Variants in HTRA3 observed in about 807,000 individuals in gnomAD.
HTRA3 encodes HtrA serine peptidase 3.
HTRA3 carries 41 observed loss-of-function variants against 43.2 expected under a neutral mutation model. That is an observed-to-expected ratio of 0.95 (90% CI 0.74 to 1.23). HTRA3 has a LOEUF of 1.23. Ranked by LOEUF, HTRA3 falls within the 50% of genes most tolerant of loss-of-function variation. HTRA3 has a pLI of 0.00. For synonymous variants in HTRA3, 295 were observed against 287.9 expected, an observed-to-expected ratio of 1.02 and a Z score of -0.25; for missense variants, 628 against 647.1, an observed-to-expected ratio of 0.97 and a Z score of 0.32.
chr4:8,305,196 G>A (rs538260846), intron 8 of HTRA3, among the ~76,000 whole-genome samples: 37 of 152,334 alleles, frequency 2.4e-4, no homozygotes, highest in African/African-American at 7.2e-4. Context: ...TTGTTCAAGG[G>A]CCGACTGTAC....
chr4:8,269,970 TGCAGGCGCG>T lies in HTRA3; in HGVS notation c.3_11del (p.MetGlnAlaArg1_?4). ...CCACCCGCCGCCGGCCCTGCCGCCA[TGCAGGCGCG>T]AGCGCTGCTCCTGGCCGCGTTGGCC... On this transcript the variant is annotated start_lost and inframe_deletion, in exon 1 of 9. Transcript: ENST00000307358. 1.7e-6 allele frequency: 2 copies of T among 1,175,882 alleles called. No homozygotes were observed. Among genetic ancestry groups the T allele is most frequent in the Non-Finnish European group, 2.1e-6 (2 of 953,644 alleles). The allele number at this position is 1,175,882 out of a possible 1,614,324, so 72.8% of individuals were successfully genotyped here.
At chr4:8,298,340 A>T (rs1368092137) in intron 6 of HTRA3, among the ~76,000 whole-genome samples, 1 of 152,194 alleles carries the variant, frequency 6.6e-6, no homozygotes, top group Non-Finnish European at 1.5e-5. Flanking sequence ...CCCATTAAAA[A>T]CATTTAGGTT....
intron 1 of HTRA3, among the ~76,000 whole-genome samples, chr4:8,278,838 T>C (rs1415160366): frequency 6.6e-6 from 1 of 152,258 alleles, no homozygotes; most frequent in East Asian, 1.9e-4. Context: ...CGAGTGCTGC[T>C]GCTTTTGTGA....
At chr4:8,301,485 A>C (rs1713655262) in intron 6 of HTRA3, among the ~76,000 whole-genome samples, 2 of 151,544 alleles carry the variant, frequency 1.3e-5, no homozygotes, top group Non-Finnish European at 2.9e-5. Context: ...TCACACTCTC[A>C]GCTTTATTGA....
intron 1 of HTRA3, among the ~76,000 whole-genome samples, chr4:8,282,209 C>A (rs1448635164): frequency 1.3e-5 from 2 of 152,188 alleles, no homozygotes; most frequent in East Asian, 1.9e-4. Context: ...CACGTGGAAG[C>A]CTTTTTAACC....
intron 3 of HTRA3, 74 bp from the exon 4 acceptor site, chr4:8,291,296 G>A: frequency 7.5e-7 from 1 of 1,330,844 alleles, no homozygotes; most frequent in African/African-American, 1.4e-5. Flanking sequence ...CCCCCTGCCA[G>A]GATCTGACTC....
intron 7 of HTRA3, among the ~76,000 whole-genome samples, chr4:8,302,796 C>G (rs1406201931): frequency 6.6e-6 from 1 of 152,242 alleles, no homozygotes; most frequent in Non-Finnish European, 1.5e-5. Context: ...TGTTCCCTCT[C>G]AGTTCTGGAG....
At chr4:8,300,825 C>T (rs1713613178) in intron 6 of HTRA3, among the ~76,000 whole-genome samples, 1 of 151,472 alleles carries the variant, frequency 6.6e-6, no homozygotes, top group Non-Finnish European at 1.5e-5. Context: ...TATTGATTCA[C>T]ACTCTTATTA....
Position 8,302,475 on chromosome 4 carries a change from G to T in HTRA3, c.1064G>T (p.Arg355Leu), listed in dbSNP as rs554312322. 1 of 1,614,090 alleles carries T rather than the reference G, an allele frequency of 6.2e-7. No individual in the cohort carries two copies. Among genetic ancestry groups the T allele is most frequent in the African/African-American group, 1.3e-5 (1 of 75,016 alleles). The part of the protein sequence containing the change: ...QDKQIKDWKK[R>L]FIGIRMRTIT... ...GTTTCATTTCCAGACTGGAAGAAGC[G>T]CTTCATCGGCATACGGATGCGGACG... Residue 355 changes from arginine (R) to leucine (L), a missense_variant, in exon 7 of 9, where the codon CGC becomes CTC. Arg to Leu is a moderately radical substitution (Grantham distance 102). Transcript: ENST00000307358.
chr4:8,306,224 G>A lies in HTRA3; in HGVS notation c.*88G>A, dbSNP rs954412347. On this transcript the variant is annotated 3_prime_UTR_variant, in exon 9 of 9. Transcript: ENST00000307358. The surrounding 1 kb of genome is among the most constrained non-coding windows in gnomAD (Gnocchi z 8.9). ...GAGATCAGGACGAAGGACCACCGTC[G>A]GTCCTCAGCAGGGCGGCAGCCTCCT... The A allele has an allele frequency of 7.3e-5, 101 of 1,387,336 alleles. No homozygotes were observed. The highest frequency in any genetic ancestry group is 2.6e-4 in the Middle Eastern group (1 of 3,824). 85.9% of individuals were successfully genotyped at this position (1,387,336 alleles called of 1,614,324 possible). A position where few individuals can be genotyped will look rare whatever the true frequency, so the allele number is the denominator to read the frequency against.
chr4:8,296,279 G>A lies in HTRA3; in HGVS notation c.1051+2078G>A, dbSNP rs1713452194. ...TACAGGGGCTGTCCCAGTTAGTGCT[G>A]ACCTCATCCCAGAACCCCCTGGGAA... On this transcript the variant is annotated intron_variant, in intron 6 of 8. Coordinates refer to ENST00000307358, the MANE Select transcript of HTRA3 (RefSeq NM_053044.5). The surrounding 1 kb of genome is among the most constrained non-coding windows in gnomAD (Gnocchi z 5.3). 1.0e-6 allele frequency: 1 copy of A among 985,386 alleles called. No homozygotes were observed. Among genetic ancestry groups the A allele is most frequent in the South Asian group, 4.7e-5 (1 of 21,294 alleles). The allele number at this position is 985,386 out of a possible 1,614,324, so 61.0% of individuals were successfully genotyped here. A position where few individuals can be genotyped will look rare whatever the true frequency, so the allele number is the denominator to read the frequency against.
At position 8,286,101 on chromosome 4, in the gene HTRA3, A is replaced by G. The variant is rs1191099253; in HGVS notation, c.486-460A>G. On this transcript the variant is annotated intron_variant, in intron 2 of 8. Coordinates refer to ENST00000307358, the MANE Select transcript of HTRA3 (RefSeq NM_053044.5). The surrounding 1 kb of genome is among the most constrained non-coding windows in gnomAD (Gnocchi z 4.9). ...TTTGTTGAGAGGCGTTTTAGAGCCC[A>G]GGCATCACCACTCGGCGGAGGAGGT... is the stretch of plus-strand genomic sequence containing the variant. Among the ~76,000 whole-genome samples, 1 of 152,210 alleles carries G rather than the reference A, an allele frequency of 6.6e-6. No homozygotes were observed.
At chr4:8,283,843 G>A (rs529538198) in intron 2 of HTRA3, among the ~76,000 whole-genome samples, 3 of 152,284 alleles carry the variant, frequency 2.0e-5, no homozygotes, top group Non-Finnish European at 4.4e-5. Context: ...CCTGGGGACT[G>A]AGCATCTGGT....
Position 8,297,962 on chromosome 4 carries a change from T to C in HTRA3, c.1051+3761T>C, listed in dbSNP as rs548116495. On this transcript the variant is annotated intron_variant, in intron 6 of 8. Transcript: ENST00000307358. This position sits in a 1 kb window ranked among gnomAD's most constrained non-coding sequence, Gnocchi z 5.8. ...TTGTCCCTCTGTCCCTCTGTCCCTC[T>C]GGACTTCCCACATGCCTCATCCACT... 6.6e-6 allele frequency among the ~76,000 whole-genome samples: 1 copy of C among 152,316 alleles called. No homozygotes were observed. Among genetic ancestry groups the C allele is most frequent in the Admixed American group, 6.5e-5 (1 of 15,300 alleles).
chr4:8,288,668 GT>G (rs1184691358), intron 3 of HTRA3, among the ~76,000 whole-genome samples: 1 of 151,154 alleles, frequency 6.6e-6, no homozygotes, highest in Non-Finnish European at 1.5e-5. Flanking sequence ...CACCTCCCAG[GT>G]TCAAGTAATT....
intron 6 of HTRA3, among the ~76,000 whole-genome samples, chr4:8,301,706 A>C (rs1017858889): frequency 2.6e-5 from 4 of 152,190 alleles, no homozygotes; most frequent in Non-Finnish European, 4.4e-5. Context: ...ACAACCTACA[A>C]ATTTTAATAT....
chr4:8,290,907 G>C (rs950528416), intron 3 of HTRA3, among the ~76,000 whole-genome samples: 3 of 152,238 alleles, frequency 2.0e-5, no homozygotes, highest in Non-Finnish European at 4.4e-5. Context: ...GATGGAACTG[G>C]ATCAAGGATG....
At chr4:8,285,707 C>A (rs1712930912) in intron 2 of HTRA3, among the ~76,000 whole-genome samples, 1 of 152,328 alleles carries the variant, frequency 6.6e-6, no homozygotes, top group African/African-American at 2.4e-5. Flanking sequence ...CTGGTGAGAA[C>A]TGGGGATTGT....
chr4:8,295,986 G>A lies in HTRA3; in HGVS notation c.1051+1785G>A. 6 of 1,199,238 alleles carry A rather than the reference G, an allele frequency of 5.0e-6. No homozygotes were observed. Among genetic ancestry groups the A allele is most frequent in the South Asian group, 4.3e-5 (1 of 23,250 alleles). 74.3% of individuals were successfully genotyped at this position (1,199,238 alleles called of 1,614,324 possible). ...CCCTTTTCCTGTTGGCTTCTAGGAA[G>A]CTCAGAGCTAGATTCAGGGGTGCAC... On this transcript the variant is annotated intron_variant, in intron 6 of 8. Transcript: ENST00000307358. The surrounding 1 kb of genome is among the most constrained non-coding windows in gnomAD (Gnocchi z 6.9).
Sources: allele counts gnomAD v4.1 joint callset (sites outside exome capture counted in the v4.1 genomes callset), GRCh38; gene constraint gnomAD v4.1.1; non-coding constraint Gnocchi (gnomAD v3.1); transcripts MANE v1.5; gene names NCBI Gene and HGNC (gene_info 2026-07-23, HGNC 2026-07-21).